The following SEMA6D variants were observed in gnomAD, a reference collection of about 807,000 sequenced individuals.
SEMA6D encodes the protein semaphorin 6D.
A neutral mutation model predicts 106.6 loss-of-function variants in SEMA6D; 35 were observed. The observed-to-expected ratio is 0.33, with a 90% CI of 0.25 to 0.44. The LOEUF (loss-of-function observed/expected upper bound fraction) is 0.44, where lower values mean the gene tolerates loss of function less well. Ranked by LOEUF, SEMA6D falls within the 20% of genes least tolerant of loss-of-function variation. The pLI, the probability that SEMA6D is intolerant of heterozygous loss-of-function variation, is 1.00. For synonymous variants in SEMA6D, 499 were observed against 487.7 expected (o/e 1.02, Z -0.31); for missense variants, 1,185 against 1,345.9 (o/e 0.88, Z 1.87).
intron 2 of SEMA6D, among the ~76,000 whole-genome samples, chr15:47,469,387 T>C (rs1357284497): frequency 6.6e-6 from 1 of 151,836 alleles, no homozygotes; most frequent in African/African-American, 2.4e-5. Flanking sequence ...GACTTCAAAA[T>C]TGTCTTCAGT....
In SEMA6D at chr15:47,420,894, T is replaced by A. The variant is rs142924368; in HGVS notation, c.-159+8422T>A. On this transcript the variant is annotated intron_variant, in intron 2 of 19. Coordinates refer to the SEMA6D transcript ENST00000558014. The stretch of plus-strand genomic sequence containing the variant: ...TCTCTAGAACAAAAAAATGTACATA[T>A]GAAGTAGATAAGAATAGAATTACGA... Among the ~76,000 whole-genome samples the A allele has an allele frequency of 6.5e-3, 995 of 152,178 alleles. 11 individuals carry two copies. Among genetic ancestry groups the A allele is most frequent in the Admixed American group, 0.022 (343 of 15,264 alleles).
intron 3 of SEMA6D, among the ~76,000 whole-genome samples, chr15:47,553,083 T>C (rs1002829280): frequency 6.7e-6 from 1 of 149,936 alleles, no homozygotes; most frequent in African/African-American, 2.5e-5. Context: ...TTTGTATTTT[T>C]ATTAGAGACA....
chr15:47,770,433 A>ATT, intron 18 of SEMA6D, 64 bp from the exon 19 acceptor site: 2 of 1,394,678 alleles, frequency 1.4e-6, no homozygotes, highest in Non-Finnish European at 2.0e-6. Flanking sequence ...ACTGAAAGCC[A>ATT]TTTGCTATTT....
Position 47,766,009 on chromosome 15 carries a change from A to G in SEMA6D, c.1568A>G (p.Lys523Arg), listed in dbSNP as rs748387260. Reference protein sequence around the residue: ...SRCERYGSCKKSCIASRDPYC... With the variant: ...SRCERYGSCKRSCIASRDPYC... ...TGTGAGCGTTATGGATCATGTAAAAAGTAAGCTCGTGTTTCTTTACTTACC... is the reference window on the plus strand; with the variant it reads ...TGTGAGCGTTATGGATCATGTAAAAGGTAAGCTCGTGTTTCTTTACTTACC... The change falls in exon 14 of 19, where the codon AAG becomes AGG. Residue 523 changes from lysine (K) to arginine (R), a missense_variant and splice_region_variant. Physicochemically the swap from Lys to Arg is conservative, Grantham distance 26. Transcript: ENST00000536845. 4 of 1,602,200 alleles carry G rather than the reference A, an allele frequency of 2.5e-6. No homozygotes were observed. In the East Asian group the frequency reaches 8.9e-5, roughly 36 times the overall value.
At chr15:47,454,032 T>G (rs777384826) in intron 2 of SEMA6D, among the ~76,000 whole-genome samples, 1 of 151,884 alleles carries the variant, frequency 6.6e-6, no homozygotes, top group Admixed American at 6.6e-5. Context: ...GCTATCCAGC[T>G]AGTGTTGTGA....
At chr15:47,488,289 G>C (rs952920906) in intron 3 of SEMA6D, among the ~76,000 whole-genome samples, 1 of 152,050 alleles carries the variant, frequency 6.6e-6, no homozygotes, top group Admixed American at 6.5e-5. Flanking sequence ...ACAGTTGGGA[G>C]ATATTATTCT....
At chr15:47,327,458 T>C (rs904467092) in intron 1 of SEMA6D, among the ~76,000 whole-genome samples, 1 of 152,200 alleles carries the variant, frequency 6.6e-6, no homozygotes, top group Non-Finnish European at 1.5e-5. Flanking sequence ...CACCTATATG[T>C]TTGAATTGAA....
intron 4 of SEMA6D, among the ~76,000 whole-genome samples, chr15:47,641,300 G>C (rs2077484971): frequency 6.6e-6 from 1 of 152,194 alleles, no homozygotes; most frequent in African/African-American, 2.4e-5. Context: ...AAGATGCAGG[G>C]CTGAGAAAGT....
chr15:47,274,174 T>C (rs1333414452), intron 1 of SEMA6D: 1 of 152,162 alleles, frequency 6.6e-6, no homozygotes, highest in East Asian at 1.9e-4. Flanking sequence ...AACATCCGCC[T>C]GCTTGTTTAA....
chr15:47,757,417 T>C (rs2081815609), intron 1 of SEMA6D, among the ~76,000 whole-genome samples: 1 of 152,180 alleles, frequency 6.6e-6, no homozygotes, highest in Non-Finnish European at 1.5e-5. Context: ...ATTTTATACT[T>C]TTATACTACT....
At chr15:47,595,640 G>A (rs1376739925) in intron 3 of SEMA6D, among the ~76,000 whole-genome samples, 2 of 152,008 alleles carry the variant, frequency 1.3e-5, no homozygotes, top group African/African-American at 4.8e-5. Flanking sequence ...ATTTTTTAGG[G>A]AGCACTTGAG....
chr15:47,714,880 C>T (rs1184128317), upstream of SEMA6D, among the ~76,000 whole-genome samples: 1 of 152,156 alleles, frequency 6.6e-6, no homozygotes, highest in Non-Finnish European at 1.5e-5. Flanking sequence ...ATTGGGCGTC[C>T]ATTAAATGCC....
At chr15:47,470,868 A>G (rs2042814644) in intron 3 of SEMA6D, among the ~76,000 whole-genome samples, 1 of 152,188 alleles carries the variant, frequency 6.6e-6, no homozygotes, top group Admixed American at 6.5e-5. Context: ...CGTTTGAATC[A>G]TAACCTGGGT....
chr15:47,302,672 C>T (rs1483962530), intron 1 of SEMA6D, among the ~76,000 whole-genome samples: 2 of 152,070 alleles, frequency 1.3e-5, no homozygotes, highest in African/African-American at 4.8e-5. Context: ...TAGAGAGATA[C>T]AGTAGGAGAA....
intron 1 of SEMA6D, among the ~76,000 whole-genome samples, chr15:47,354,596 T>C (rs1030381148): frequency 1.3e-5 from 2 of 151,568 alleles, no homozygotes; most frequent in Non-Finnish European, 2.9e-5. Flanking sequence ...TATATATGTA[T>C]ATATACACAT....
At chr15:47,606,341 CAG>C in intron 4 of SEMA6D, 1 of 152,260 alleles carries the variant, frequency 6.6e-6, no homozygotes, top group Non-Finnish European at 1.5e-5. Flanking sequence ...GTCTCCAAGT[CAG>C]GGGAAGTCCA....
At chr15:47,689,965 G>A (rs150467473) in intron 4 of SEMA6D, among the ~76,000 whole-genome samples, 90 of 152,286 alleles carry the variant, frequency 5.9e-4, no homozygotes, top group African/African-American at 1.9e-3. Context: ...GGGAAAGCAG[G>A]GATTTAGAGC....
intron 4 of SEMA6D, among the ~76,000 whole-genome samples, chr15:47,658,865 T>C (rs2077859478): frequency 6.6e-6 from 1 of 151,724 alleles, no homozygotes; most frequent in African/African-American, 2.4e-5. Context: ...CAAACACACA[T>C]ACCCACACAC....
chr15:47,445,001 G>A (rs1031834311), intron 2 of SEMA6D, among the ~76,000 whole-genome samples: 11 of 152,056 alleles, frequency 7.2e-5, no homozygotes, highest in African/African-American at 2.4e-4. Flanking sequence ...GAGCTGGAAG[G>A]GGGATGGAGT....
Sources: gnomAD v4.1 joint callset for allele counts (sites outside exome capture counted in the v4.1 genomes callset) on GRCh38, gnomAD v4.1.1 for gene constraint, MANE v1.5 for transcripts, NCBI Gene and HGNC (gene_info 2026-07-23, HGNC 2026-07-21) for gene names.